DRC7: variants seen among roughly 807,000 people sequenced by gnomAD.
DRC7 encodes the protein dynein regulatory complex subunit 7.
A neutral mutation model predicts 104.4 loss-of-function variants in DRC7; 80 were observed. That is an observed-to-expected ratio of 0.77 (90% CI 0.64 to 0.92). The LOEUF is 0.92. DRC7 is among the 40% of genes least tolerant of loss of function. DRC7 has a pLI of 0.00. For synonymous variants in DRC7, 405 were observed against 447.3 expected (o/e 0.91, Z 1.19); for missense variants, 1,034 against 1,141.1 (o/e 0.91, Z 1.35).
intron 8 of DRC7, 67 bp from the exon 9 acceptor site, chr16:57,718,280 C>T (rs1597806274): frequency 2.1e-5 from 33 of 1,575,772 alleles, no homozygotes; most frequent in Non-Finnish European, 2.7e-5. Context: ...CTCCCAACTC[C>T]CCATGGATCA....
At chr16:57,705,859 T>C (rs1277196330) in intron 7 of DRC7, among the ~76,000 whole-genome samples, 10 of 73,430 alleles carry the variant, frequency 1.4e-4, no homozygotes, top group Admixed American at 4.3e-4. Context: ...TCCACCCTCC[T>C]ACCCACTTAT....
chr16:57,726,267 T>G lies in DRC7; in HGVS notation c.1958T>G (p.Met653Arg). The G allele has an allele frequency of 6.2e-7, 1 of 1,611,280 alleles. No homozygotes were observed. Among genetic ancestry groups the G allele is most frequent in the Non-Finnish European group, 8.5e-7 (1 of 1,178,536 alleles). Residue 653 changes from methionine (M) to arginine (R), a missense_variant, in exon 14 of 19, where the codon ATG becomes AGG. Met to Arg is a moderately conservative substitution (Grantham distance 91, BLOSUM62 -1). Transcript: ENST00000360716. ...AACAAGATCATCATGACGCCCGACA[T>G]GTGCATCAGCTTCGAGGTGGGCCTG... ...KGNKIIMTPD[M>R]CISFEVEPME...
Position 57,726,002 on chromosome 16 carries a change from C to A in DRC7, c.1759-66C>A, listed in dbSNP as rs911730561. ...AACGTTCGTTGCTCCTGCCTGCGGG[C>A]ATGCACAGAAATCTCCTCTCACACG... On this transcript the variant is annotated intron_variant, in intron 13 of 18. Transcript: ENST00000360716. 7 of 1,389,898 alleles carry A rather than the reference C, an allele frequency of 5.0e-6. No individual in the cohort carries two copies. In the African/African-American group the frequency reaches 1.0e-4, roughly 20 times the overall value. 86.1% of individuals were successfully genotyped at this position (1,389,898 alleles called of 1,614,324 possible). A position where few individuals can be genotyped will look rare whatever the true frequency, so the allele number is the denominator to read the frequency against.
At chr16:57,716,944 G>T (rs1246252105) in intron 8 of DRC7, among the ~76,000 whole-genome samples, 2 of 151,962 alleles carry the variant, frequency 1.3e-5, no homozygotes, top group South Asian at 4.2e-4. Context: ...GTGAAAAGAG[G>T]TCAGGAGTTT....
chr16:57,695,558 T>A (rs1404295337), intron 1 of DRC7, among the ~76,000 whole-genome samples: 1 of 152,162 alleles, frequency 6.6e-6, no homozygotes, highest in African/African-American at 2.4e-5. Flanking sequence ...CTGGGCTCAT[T>A]GTCTCTGGGA....
At chr16:57,708,204 A>C (rs1435630044) in intron 8 of DRC7, among the ~76,000 whole-genome samples, 1 of 152,144 alleles carries the variant, frequency 6.6e-6, no homozygotes, top group Non-Finnish European at 1.5e-5. Flanking sequence ...ATTATCACAC[A>C]CTGAACACAC....
chr16:57,728,609 A>T, intron 17 of DRC7, 25 bp downstream of exon 17: 2 of 1,536,954 alleles, frequency 1.3e-6, no homozygotes, highest in South Asian at 1.2e-5. Flanking sequence ...TTTGTTGGGG[A>T]GGGGGGGATC....
chr16:57,705,805 T>TCCATCCA (rs1555573012), intron 7 of DRC7, among the ~76,000 whole-genome samples: 1 of 64,764 alleles, frequency 1.5e-5, no homozygotes, highest in Non-Finnish European at 2.8e-5. Flanking sequence ...CATCCTCCCA[T>TCCATCCA]TTCTCCTCCC....
intron 14 of DRC7, chr16:57,726,565 AG>A: frequency 1.8e-6 from 1 of 555,664 alleles, no homozygotes; most frequent in Non-Finnish European, 3.2e-6. Context: ...GCTCTGTGGG[AG>A]GGGAAGAGTC....
chr16:57,721,828 A>G, intron 10 of DRC7, 89 bp downstream of exon 10: 1 of 917,002 alleles, frequency 1.1e-6, no homozygotes, highest in South Asian at 1.5e-5. Context: ...AGGGGGACAC[A>G]GCAGGGAATG....
intron 8 of DRC7, among the ~76,000 whole-genome samples, chr16:57,716,376 A>ATG (rs1300563601): frequency 5.3e-5 from 8 of 151,560 alleles, no homozygotes; most frequent in Admixed American, 1.3e-4. Flanking sequence ...GGTGGCGGGC[A>ATG]CCTGTAATCC....
chr16:57,704,122 T>C (rs2048687460), intron 6 of DRC7, among the ~76,000 whole-genome samples: 1 of 152,126 alleles, frequency 6.6e-6, no homozygotes, highest in Admixed American at 6.6e-5. Context: ...ATTGTGCTTG[T>C]TGCTCCCCAC....
At chr16:57,723,686 C>T (rs2048931917) in intron 12 of DRC7, among the ~76,000 whole-genome samples, 1 of 151,822 alleles carries the variant, frequency 6.6e-6, no homozygotes, top group Admixed American at 6.6e-5. Flanking sequence ...CGAGATTATG[C>T]CACTGCACTC....
chr16:57,703,687 C>T (rs958363461), intron 6 of DRC7, among the ~76,000 whole-genome samples: 12 of 152,148 alleles, frequency 7.9e-5, no homozygotes, highest in Admixed American at 2.0e-4. Context: ...TGGCTGGGCA[C>T]GGTGGCTCAT....
Position 57,724,579 on chromosome 16 carries a change from G to A in DRC7, c.1538-36G>A, listed in dbSNP as rs906838376. On this transcript the variant is annotated intron_variant, in intron 12 of 18. Coordinates refer to ENST00000360716, the MANE Select transcript of DRC7 (RefSeq NM_001289162.2). ...AGCAGCCATACTTCCTAGTGCTTAT[G>A]AAGCTGTCTCCTCCCAACTCCCGCT... The A allele has an allele frequency of 2.0e-6, 3 of 1,496,148 alleles. No individual in the cohort carries two copies. The Admixed American group carries it at 5.3e-5, about 27-fold the overall frequency. The allele number at this position is 1,496,148 out of a possible 1,614,324, so 92.7% of individuals were successfully genotyped here.
chr16:57,707,722 C>A (rs1437813165), intron 8 of DRC7, 44 bp downstream of exon 8: 2 of 1,553,478 alleles, frequency 1.3e-6, no homozygotes, highest in Non-Finnish European at 8.8e-7. Flanking sequence ...AGGCACAGTG[C>A]AGGTGATAGG....
intron 6 of DRC7, 41 bp from the exon 7 acceptor site, chr16:57,704,835 G>A (rs2048694713): frequency 5.0e-6 from 8 of 1,604,262 alleles, no homozygotes; most frequent in East Asian, 2.2e-5. Context: ...GTAAAGGGGG[G>A]ATGCAGGGCC....
chr16:57,730,848 A>G, intron 17 of DRC7, 83 bp from the exon 18 acceptor site: 1 of 1,451,740 alleles, frequency 6.9e-7, no homozygotes, highest in Non-Finnish European at 9.5e-7. Context: ...GGTGCTGTCT[A>G]GTGACCCATG....
Position 57,698,937 on chromosome 16 carries a change from G to C in DRC7, c.291G>C (p.Val97=). 1 of 1,614,148 alleles carries C rather than the reference G, an allele frequency of 6.2e-7. No homozygotes were observed. The highest frequency in any genetic ancestry group is 1.1e-5 in the South Asian group (1 of 91,086). Residue 97 remains valine (V), a synonymous_variant, in exon 4 of 19, where the codon GTG becomes GTC. Transcript: ENST00000360716. ...NTPKEEHLLQ[V]ADNFSRQYSH... ...CCAAGGAGGAACACCTGCTGCAGGT[G>C]GCAGACAACTTCTCCCGCCAGTACA... is the stretch of plus-strand genomic sequence containing the variant.
Sources: gnomAD v4.1 joint callset for allele counts (sites outside exome capture counted in the v4.1 genomes callset) on GRCh38, gnomAD v4.1.1 for gene constraint, MANE v1.5 for transcripts, NCBI Gene and HGNC (gene_info 2026-07-23, HGNC 2026-07-21) for gene names.